GNAS: variants seen among roughly 807,000 people sequenced by gnomAD.
The protein encoded by GNAS is GNAS complex locus.
In GNAS, 8 loss-of-function variants were observed where a neutral mutation model predicts 54.5. The observed-to-expected ratio is 0.15, with a 90% CI of 0.09 to 0.26. The LOEUF (loss-of-function observed/expected upper bound fraction) is 0.26. GNAS is among the 10% of genes least tolerant of loss of function. The pLI is 1.00. For missense variants in GNAS, 170 were observed against 529.8 expected, an observed-to-expected ratio of 0.32 and a Z score of 6.67; for synonymous variants, 204 against 191.4, an observed-to-expected ratio of 1.07 and a Z score of -0.54.
chr20:58,892,795 C>T (rs2089602470), intron 1 of GNAS, among the ~76,000 whole-genome samples: 1 of 152,030 alleles, frequency 6.6e-6, no homozygotes, highest in South Asian at 2.1e-4. Flanking sequence ...CGTCATTTTA[C>T]AGTGTGACCT....
chr20:58,883,846 CTG>C (rs2088411799), intron 1 of GNAS, among the ~76,000 whole-genome samples: 1 of 152,230 alleles, frequency 6.6e-6, no homozygotes, highest in African/African-American at 2.4e-5. Context: ...GCTGTGCAGA[CTG>C]TGCCCCGATG....
In GNAS at chr20:58,902,461, G is replaced by A. The variant is rs555695151; in HGVS notation, c.258-1070G>A. 4.6e-5 allele frequency among the ~76,000 whole-genome samples: 7 copies of A among 152,182 alleles called. No homozygotes were observed. The East Asian group carries it at 1.2e-3, about 25-fold the overall frequency. ...CCAAAGGGTGTGTCCTTTACCTGTG[G>A]GACCAGTGACCCTGAATATAGATCA... is the stretch of plus-strand genomic sequence containing the variant. On this transcript the variant is annotated intron_variant, in intron 3 of 12. Transcript: ENST00000371085.
intron 1 of GNAS, among the ~76,000 whole-genome samples, chr20:58,876,313 A>G (rs1053526966): frequency 2.0e-5 from 3 of 152,172 alleles, no homozygotes; most frequent in African/African-American, 7.2e-5. Flanking sequence ...GATGAATATT[A>G]TGAGTCCCTC....
chr20:58,895,765 T>C (rs2089987040), intron 2 of GNAS, 81 bp downstream of exon 2: 1 of 879,534 alleles, frequency 1.1e-6, no homozygotes, highest in Admixed American at 1.8e-5. Flanking sequence ...TAGGTGGGCT[T>C]TGGGGGCTGG....
Position 58,853,354 on chromosome 20 carries a change from C to G in GNAS, c.43+12468C>G. The G allele has an allele frequency of 6.4e-7, 1 of 1,552,422 alleles. No homozygotes were observed. Among genetic ancestry groups the G allele is most frequent in the Non-Finnish European group, 8.7e-7 (1 of 1,147,982 alleles). On this transcript the variant is annotated intron_variant, in intron 1 of 12. Transcript: ENST00000306090. The surrounding 1 kb of genome is among the most constrained non-coding windows in gnomAD (Gnocchi z 4.4). ...ATCGGGGAACAGCCCGAGCAACCAC[C>G]TTTGGAGGCCCCAGGGGCAGCTGCC...
chr20:58,894,826 A>C (rs990034804), intron 1 of GNAS, among the ~76,000 whole-genome samples: 1 of 152,152 alleles, frequency 6.6e-6, no homozygotes, highest in Non-Finnish European at 1.5e-5. Flanking sequence ...TTGTTTTTGC[A>C]GTTTACCTAA....
chr20:58,862,465 T>G (rs2086830736), intron 1 of GNAS, among the ~76,000 whole-genome samples: 1 of 152,122 alleles, frequency 6.6e-6, no homozygotes, highest in South Asian at 2.1e-4. Flanking sequence ...AGCCTCGACT[T>G]TTAATTTTAG....
At chr20:58,878,048 C>T (rs1363530100) in intron 1 of GNAS, among the ~76,000 whole-genome samples, 1 of 152,170 alleles carries the variant, frequency 6.6e-6, no homozygotes, top group Non-Finnish European at 1.5e-5. Flanking sequence ...TTCCTTTCAC[C>T]TCCCTCCTTG....
chr20:58,855,312 A>T, intron 1 of GNAS: 1 of 1,576,926 alleles, frequency 6.3e-7, no homozygotes, highest in Admixed American at 1.8e-5. Context: ...CTACATGTGT[A>T]CGCACCGCCT....
chr20:58,842,403 A>T lies in GNAS; in HGVS notation c.43+1517A>T, dbSNP rs2085773497. 3 of 398,508 alleles carry T rather than the reference A, an allele frequency of 7.5e-6. No individual in the cohort carries two copies. The East Asian group carries it at 1.1e-4, about 14-fold the overall frequency. The allele number at this position is 398,508 out of a possible 1,614,324, so 24.7% of individuals were successfully genotyped here. ...AATGACGGTCAGGTTCTTAACTCCT[A>T]AGAAAAGGATGATGATAGAAGGAAA... On this transcript the variant is annotated intron_variant, in intron 1 of 12. Transcript: ENST00000306090.
At position 58,911,012 on chromosome 20, in the gene GNAS, A is replaced by G. The variant is rs1157811885; in HGVS notation, c.*183A>G. 8 of 712,006 alleles carry G rather than the reference A, an allele frequency of 1.1e-5. No individual in the cohort carries two copies. The highest frequency in any genetic ancestry group is 1.8e-5 in the Non-Finnish European group (7 of 398,270). The allele number at this position is 712,006 out of a possible 1,614,324, so 44.1% of individuals were successfully genotyped here. On this transcript the variant is annotated 3_prime_UTR_variant, in exon 13 of 13. Transcript: ENST00000371085. ...TTGCTTAGATGTTCCAAATTTAGAAAGCTTAAGGCGGCCTACAGAAAAAGG... is the reference window on the plus strand; with the variant it reads ...TTGCTTAGATGTTCCAAATTTAGAAGGCTTAAGGCGGCCTACAGAAAAAGG...
chr20:58,891,458 C>T lies in GNAS; in HGVS notation c.-269C>T, dbSNP rs1428589672. 1.3e-5 allele frequency: 10 copies of T among 777,554 alleles called. No homozygotes were observed. The highest frequency in any genetic ancestry group is 7.8e-6 in the Non-Finnish European group (5 of 641,842). The allele number at this position is 777,554 out of a possible 1,614,324, so 48.2% of individuals were successfully genotyped here. On this transcript the variant is annotated 5_prime_UTR_variant, in exon 1 of 13. Transcript: ENST00000371085. ...AGCTCCTGCTCTGGTCCGCCTCGGC[C>T]CGGCGGCGGCCATCAGCCCCCTCGG...
chr20:58,865,155 C>T (rs1465944867), intron 1 of GNAS, among the ~76,000 whole-genome samples: 3 of 152,014 alleles, frequency 2.0e-5, no homozygotes, highest in East Asian at 3.9e-4. Context: ...CGGTGGCTCA[C>T]GCCTGTAATC....
chr20:58,891,704 G>GCCCCGC lies in GNAS; in HGVS notation c.-21_-16dup, dbSNP rs1358741317. 9.6e-7 allele frequency: 1 copy of GCCCCGC among 1,045,574 alleles called. No individual in the cohort carries two copies. The highest frequency in any genetic ancestry group is 1.2e-6 in the Non-Finnish European group (1 of 853,480). 64.8% of individuals were successfully genotyped at this position (1,045,574 alleles called of 1,614,324 possible). A position where few individuals can be genotyped will look rare whatever the true frequency, so the allele number is the denominator to read the frequency against. On this transcript the variant is annotated 5_prime_UTR_variant, in exon 1 of 13. Transcript: ENST00000371085. ...CCCGCCGCCGCCGCAGCCCGGCCGC[G>GCCCCGC]CCCCGCCGCCGCCGCCGCCGCCATG...
At chr20:58,851,371 G>A (rs978903689) in intron 1 of GNAS, among the ~76,000 whole-genome samples, 2 of 152,230 alleles carry the variant, frequency 1.3e-5, no homozygotes, top group African/African-American at 4.8e-5. Flanking sequence ...AGCCCGTGCC[G>A]TGCGCCCTGC....
At chr20:58,901,883 G>A (rs938468790) in intron 3 of GNAS, among the ~76,000 whole-genome samples, 4 of 128,788 alleles carry the variant, frequency 3.1e-5, no homozygotes, top group Non-Finnish European at 6.2e-5. Context: ...TGCCCTGCTC[G>A]TCTGCTCGTC....
At chr20:58,871,637 C>CAA (rs56281960) in intron 1 of GNAS, among the ~76,000 whole-genome samples, 10 of 58,570 alleles carry the variant, frequency 1.7e-4, no homozygotes, top group African/African-American at 3.6e-4. Flanking sequence ...AAACAAACAA[C>CAA]AAAAAAAAAA....
chr20:58,855,498 T>C, intron 1 of GNAS: 1 of 749,554 alleles, frequency 1.3e-6, no homozygotes, highest in Non-Finnish European at 2.4e-6. Context: ...CTAACTGCCC[T>C]GGGAGCGGGA....
Position 58,909,657 on chromosome 20 carries a change from C to T in GNAS, c.719-27C>T, listed in dbSNP as rs751884749. 1.1e-5 allele frequency: 17 copies of T among 1,614,038 alleles called. No individual in the cohort carries two copies. The African/African-American group carries it at 2.3e-4, about 22-fold the overall frequency. On this transcript the variant is annotated intron_variant, in intron 9 of 12. Transcript: ENST00000371085. The surrounding 1 kb of genome is among the most constrained non-coding windows in gnomAD (Gnocchi z 7.3). ...TTAGGGATCAGGGTCGCTGCTCACG[C>T]TCTTGGCTTTGCTCTCTTTGGTTAA...
Sources: allele counts gnomAD v4.1 joint callset (sites outside exome capture counted in the v4.1 genomes callset), GRCh38; gene constraint gnomAD v4.1.1; non-coding constraint Gnocchi (gnomAD v3.1); transcripts MANE v1.5; gene names NCBI Gene and HGNC (gene_info 2026-07-23, HGNC 2026-07-21).